The following ZMYM6 variants were observed in gnomAD, a reference collection of about 807,000 sequenced individuals.
ZMYM6 encodes the protein zinc finger MYM-type protein 6.
A neutral mutation model predicts 134.0 loss-of-function variants in ZMYM6; 90 were observed. The observed-to-expected ratio is 0.67, with a 90% confidence interval of 0.57 to 0.80. The LOEUF is 0.80. Ranked by LOEUF, ZMYM6 falls within the 30% of genes least tolerant of loss-of-function variation. The pLI is 0.00. For synonymous variants in ZMYM6, 481 were observed against 524.1 expected (o/e 0.92, Z 1.12); for missense variants, 1,362 against 1,533.9 (o/e 0.89, Z 1.87).
rs900020227 is a variant in ZMYM6 at position 35,013,229 on chromosome 1, C to A, written c.796-648G>T. The A allele has an allele frequency of 4.3e-6, 3 of 702,130 alleles. No individual in the cohort carries two copies. In the African/African-American group the frequency reaches 5.8e-5, roughly 14 times the overall value. 43.5% of individuals were successfully genotyped at this position (702,130 alleles called of 1,614,324 possible). A position where few individuals can be genotyped will look rare whatever the true frequency, so the allele number is the denominator to read the frequency against. ...GAAACCTTTCAACAACAGAGTGAGG[C>A]GCTCTCAAAAATTACATTAACAAAA... On this transcript the variant is annotated intron_variant, in intron 6 of 15. Coordinates refer to ENST00000357182, the MANE Select transcript of ZMYM6 (RefSeq NM_007167.4).
chr1:35,013,555 C>CTTA, intron 6 of ZMYM6: 1 of 985,290 alleles, frequency 1.0e-6, no homozygotes, highest in South Asian at 4.7e-5. Context: ...AATGGCAAAT[C>CTTA]TTAAAAAAAG....
intron 15 of ZMYM6, 23 bp downstream of exon 15, chr1:34,992,211 T>C: frequency 6.2e-7 from 1 of 1,613,588 alleles, no homozygotes; most frequent in Non-Finnish European, 8.5e-7. Context: ...GCTTTGTACA[T>C]GGGAACGCAC....
intron 2 of ZMYM6, among the ~76,000 whole-genome samples, chr1:35,026,976 A>G (rs1428714956): frequency 1.3e-5 from 2 of 152,166 alleles, no homozygotes; most frequent in African/African-American, 4.8e-5. Flanking sequence ...TGACCTGTAG[A>G]TACCATAATA....
At chr1:35,030,884 T>C in intron 1 of ZMYM6, 171 bp from the exon 2 acceptor site, 1 of 485,360 alleles carries the variant, frequency 2.1e-6, no homozygotes, top group Non-Finnish European at 3.6e-6. Context: ...AGTAGCTACA[T>C]AAGAAAACAG....
In ZMYM6 at chr1:34,998,709, A is replaced by G. The variant is rs142018366; in HGVS notation, c.1992+5259T>C. Among the ~76,000 whole-genome samples the G allele has an allele frequency of 5.8e-3, 876 of 152,304 alleles. 10 individuals carry two copies. Among genetic ancestry groups the G allele is most frequent in the African/African-American group, 0.019 (784 of 41,550 alleles). Reference sequence around the variant, plus strand: ...ATTATTTGAGATGGCTGTTAATCATATAAGTGTAAATGTCAAGTCGGCAGC... The same window carrying G: ...ATTATTTGAGATGGCTGTTAATCATGTAAGTGTAAATGTCAAGTCGGCAGC... On this transcript the variant is annotated intron_variant, in intron 14 of 15. Transcript: ENST00000357182.
intron 4 of ZMYM6, chr1:35,017,190 C>T (rs1641217479): frequency 6.6e-6 from 1 of 152,136 alleles, no homozygotes; most frequent in Admixed American, 6.6e-5. Context: ...TTCCACTATC[C>T]TGCCTCCCAT....
intron 10 of ZMYM6, 112 bp from the exon 11 acceptor site, chr1:35,009,036 A>G (rs551018106): frequency 3.6e-6 from 4 of 1,113,366 alleles, no homozygotes; most frequent in Non-Finnish European, 3.8e-6. Flanking sequence ...CTAATACACA[A>G]TTATTTGCCT....
intron 2 of ZMYM6, among the ~76,000 whole-genome samples, chr1:35,029,324 G>A (rs571913097): frequency 6.6e-6 from 1 of 152,262 alleles, no homozygotes; most frequent in Admixed American, 6.5e-5. Context: ...CACAAGTTCT[G>A]GAGTCTGACC....
At chr1:35,006,059 G>A (rs1354798279) in intron 12 of ZMYM6, among the ~76,000 whole-genome samples, 2 of 152,250 alleles carry the variant, frequency 1.3e-5, no homozygotes, top group African/African-American at 4.8e-5. Context: ...CCAGGCTGGA[G>A]TGCCATGGCA....
intron 8 of ZMYM6, among the ~76,000 whole-genome samples, chr1:35,011,663 A>T (rs1641089025): frequency 6.6e-6 from 1 of 152,190 alleles, no homozygotes; most frequent in South Asian, 2.1e-4. Context: ...GTGGGAGGGA[A>T]TGACAGTTTA....
At chr1:34,989,191 C>T in intron 15 of ZMYM6, 1 of 1,210,554 alleles carries the variant, frequency 8.3e-7, no homozygotes, top group Non-Finnish European at 1.0e-6. Context: ...ATCCCAAGCA[C>T]CCAATAGGTT....
chr1:35,030,806 G>A (rs1193409871), intron 1 of ZMYM6, 93 bp from the exon 2 acceptor site: 3 of 628,694 alleles, frequency 4.8e-6, no homozygotes, highest in Non-Finnish European at 7.9e-6. Context: ...TCACGGCTCG[G>A]CATTTGAAAA....
At chr1:35,010,345 T>C in intron 10 of ZMYM6, 102 bp downstream of exon 10, 1 of 1,447,880 alleles carries the variant, frequency 6.9e-7, no homozygotes, top group Non-Finnish European at 9.3e-7. Context: ...AATTACACCT[T>C]GTAAGACAAA....
chr1:34,992,431 G>T (rs377618640), intron 14 of ZMYM6, 44 bp from the exon 15 acceptor site: 5 of 1,587,822 alleles, frequency 3.1e-6, no homozygotes, highest in Non-Finnish European at 4.3e-6. Flanking sequence ...ATTTTTTTTA[G>T]TACCTTATCA....
At chr1:35,021,315 G>GT (rs1256399355) in intron 2 of ZMYM6, among the ~76,000 whole-genome samples, 1 of 151,650 alleles carries the variant, frequency 6.6e-6, no homozygotes, top group Non-Finnish European at 1.5e-5. Flanking sequence ...GAATTTTTGT[G>GT]TTTTTTTCCA....
In ZMYM6 at chr1:35,010,955, A is replaced by AG. The variant is rs1557575507; in HGVS notation, c.1143dup (p.Ser382LeufsTer11). The AG allele has an allele frequency of 6.2e-7, 1 of 1,613,140 alleles. No individual in the cohort carries two copies. The highest frequency in any genetic ancestry group is 8.5e-7 in the Non-Finnish European group (1 of 1,179,696). On this transcript the variant is annotated frameshift_variant, in exon 9 of 16. Coordinates refer to ENST00000357182, the MANE Select transcript of ZMYM6 (RefSeq NM_007167.4). LOFTEE classifies it high-confidence loss of function. The stretch of plus-strand genomic sequence containing the variant: ...CCTCCTATTGACACTGCTGACCTGG[A>AG]GGAGGGCGGGCTTACAACCACTTGG...
chr1:35,004,095 G>T, intron 13 of ZMYM6, 90 bp from the exon 14 acceptor site: 1 of 1,166,136 alleles, frequency 8.6e-7, no homozygotes, highest in Non-Finnish European at 1.2e-6. Context: ...CATTAAGCTG[G>T]GCTAGAGTCT....
chr1:34,996,094 T>G (rs570610070), intron 14 of ZMYM6, among the ~76,000 whole-genome samples: 35 of 152,322 alleles, frequency 2.3e-4, no homozygotes, highest in African/African-American at 8.2e-4. Context: ...TGTGCTAGTT[T>G]ATCTACAGAA....
chr1:34,994,275 C>T (rs576392370), intron 14 of ZMYM6, among the ~76,000 whole-genome samples: 2 of 151,904 alleles, frequency 1.3e-5, no homozygotes, highest in South Asian at 2.1e-4. Flanking sequence ...GTGATAAGTG[C>T]GATGAAGAAA....
Sources: allele counts gnomAD v4.1 joint callset (sites outside exome capture counted in the v4.1 genomes callset), GRCh38; gene constraint gnomAD v4.1.1; transcripts MANE v1.5; gene names NCBI Gene and HGNC (gene_info 2026-07-23, HGNC 2026-07-21).